SENP6: variants seen among roughly 807,000 people sequenced by gnomAD.
The protein encoded by SENP6 is SUMO specific peptidase 6, also known as sentrin-specific protease 6.
A neutral mutation model predicts 134.5 loss-of-function variants in SENP6; 41 were observed. The observed-to-expected ratio is 0.30, with a 90% CI of 0.24 to 0.40. The LOEUF (loss-of-function observed/expected upper bound fraction) is 0.40, where lower values mean the gene tolerates loss of function less well. SENP6 is among the 10% of genes least tolerant of loss of function. SENP6 has a pLI of 1.00. For synonymous variants in SENP6, 395 were observed against 429.8 expected, an observed-to-expected ratio of 0.92 and a Z score of 1.00; for missense variants, 1,248 against 1,312.5, an observed-to-expected ratio of 0.95 and a Z score of 0.76.
At chr6:75,703,555 GT>G (rs1177282720) in intron 19 of SENP6, among the ~76,000 whole-genome samples, 1 of 152,120 alleles carries the variant, frequency 6.6e-6, no homozygotes, top group Non-Finnish European at 1.5e-5. Context: ...GAGCTCAGAA[GT>G]TTGAAACCAG....
At chr6:75,710,307 CAG>C (rs1775680671) in intron 20 of SENP6, among the ~76,000 whole-genome samples, 1 of 152,086 alleles carries the variant, frequency 6.6e-6, no homozygotes, top group South Asian at 2.1e-4. Context: ...CCCTAACAAA[CAG>C]TATGAACAGC....
At chr6:75,697,544 A>G (rs760252586) in intron 18 of SENP6, 27 bp downstream of exon 18, 1 of 1,489,584 alleles carries the variant, frequency 6.7e-7, no homozygotes, top group South Asian at 1.2e-5. Context: ...TTTAAAGGAA[A>G]ATCTTTAAAT....
intron 1 of SENP6, among the ~76,000 whole-genome samples, chr6:75,606,756 A>G (rs772498884): frequency 5.9e-5 from 9 of 151,864 alleles, no homozygotes; most frequent in Non-Finnish European, 1.5e-5. Context: ...TTGGGATAAT[A>G]TAATAAAATT....
intron 19 of SENP6, among the ~76,000 whole-genome samples, chr6:75,707,355 C>CTTTTTTTTTTT (rs10564996): frequency 2.7e-5 from 2 of 74,698 alleles, no homozygotes; most frequent in African/African-American, 1.0e-4. Context: ...TCTTCTTCTT[C>CTTTTTTTTTTT]TTTTTTTTTT....
At position 75,633,601 on chromosome 6, in the gene SENP6, T is replaced by G; in HGVS notation, c.228T>G (p.Ile76Met). 3 of 1,598,206 alleles carry G rather than the reference T, an allele frequency of 1.9e-6. No individual in the cohort carries two copies. Among genetic ancestry groups the G allele is most frequent in the Non-Finnish European group, 2.6e-6 (3 of 1,175,714 alleles). ...KGKKLNRRSE[I>M]VANSSGEFIL... is the part of the protein sequence containing the mutation. ...TACAGTTAAATCGTCGATCTGAAATTGTTGCTAATAGCTCTGGTGAATTCA... is the reference window on the plus strand; with the variant it reads ...TACAGTTAAATCGTCGATCTGAAATGGTTGCTAATAGCTCTGGTGAATTCA... The change falls in exon 4 of 24, where the codon ATT becomes ATG. Residue 76 changes from isoleucine (I) to methionine (M), a missense_variant. By Grantham distance (10) the Ile-to-Met change is conservative. Transcript: ENST00000447266.
chr6:75,620,521 T>A (rs1768188484), intron 1 of SENP6: 1 of 152,142 alleles, frequency 6.6e-6, no homozygotes. Flanking sequence ...AGGGCACCAA[T>A]CCCATTCGTG....
chr6:75,714,497 C>CAT (rs1304341243), intron 23 of SENP6, among the ~76,000 whole-genome samples: 1 of 152,210 alleles, frequency 6.6e-6, no homozygotes, highest in East Asian at 1.9e-4. Flanking sequence ...CAATCTCTAA[C>CAT]AGATTCCTAT....
At chr6:75,710,544 G>A (rs979722430) in intron 20 of SENP6, among the ~76,000 whole-genome samples, 4 of 152,054 alleles carry the variant, frequency 2.6e-5, no homozygotes, top group African/African-American at 9.7e-5. Flanking sequence ...GGCATTTTAA[G>A]ATATCTCTTG....
At chr6:75,659,529 T>C (rs147643622) in intron 8 of SENP6, 122 bp downstream of exon 8, 6 of 848,974 alleles carry the variant, frequency 7.1e-6, no homozygotes, top group African/African-American at 3.6e-5. Context: ...GGAAAACTTA[T>C]TTAGGCAGCT....
chr6:75,613,464 A>G (rs539187309), intron 1 of SENP6, among the ~76,000 whole-genome samples: 1 of 152,200 alleles, frequency 6.6e-6, no homozygotes, highest in African/African-American at 2.4e-5. Flanking sequence ...AGAAATATAC[A>G]TGCACAAGGA....
At chr6:75,629,685 A>G (rs1041961216) in intron 3 of SENP6, among the ~76,000 whole-genome samples, 1 of 152,206 alleles carries the variant, frequency 6.6e-6, no homozygotes, top group African/African-American at 2.4e-5. Context: ...TCCCAGGGAT[A>G]TATACATATA....
At chr6:75,608,499 GAGGAAAGGAGGA>G (rs1403816390) in intron 1 of SENP6, among the ~76,000 whole-genome samples, 3 of 151,232 alleles carry the variant, frequency 2.0e-5, no homozygotes, top group African/African-American at 7.3e-5. Flanking sequence ...AGAGGAAAAA[GAGGAAAGGAGGA>G]AGGAAAGAAA....
Position 75,623,960 on chromosome 6 carries a change from G to A in SENP6, c.207G>A (p.Lys69=), listed in dbSNP as rs766558840. Residue 69 remains lysine (K), a splice_region_variant and synonymous_variant, in exon 3 of 24, where the codon AAG becomes AAA. Transcript: ENST00000447266. The part of the protein sequence containing the change: ...DEDSETSKGK[K]LNRRSEIVAN... ...ATTCTGAAACCTCAAAAGGAAAAAA[G>A]GCAAGTGTTGCTTAAAATATTTTCT... 3.7e-6 allele frequency: 6 copies of A among 1,604,300 alleles called. No homozygotes were observed. The highest frequency in any genetic ancestry group is 5.1e-6 in the Non-Finnish European group (6 of 1,173,946).
intron 5 of SENP6, chr6:75,635,051 A>C (rs922660695): frequency 2.6e-5 from 15 of 567,278 alleles, no homozygotes; most frequent in Non-Finnish European, 4.9e-5. Context: ...TATAATCCAG[A>C]GAATCTAAGA....
intron 1 of SENP6, among the ~76,000 whole-genome samples, chr6:75,609,998 G>A (rs1348727608): frequency 2.6e-5 from 4 of 152,120 alleles, no homozygotes; most frequent in African/African-American, 7.2e-5. Context: ...ATGTTGTCCA[G>A]GCTGGTCTCA....
rs116759388 is a variant in SENP6 at position 75,622,947 on chromosome 6, A to C, written c.147-953A>C. 2,088 of 478,716 alleles carry C rather than the reference A, an allele frequency of 4.4e-3. 41 individuals are homozygous for C. The highest frequency in any genetic ancestry group is 0.039 in the African/African-American group (1,914 of 49,354). The allele number at this position is 478,716 out of a possible 1,614,324, so 29.7% of individuals were successfully genotyped here. A position where few individuals can be genotyped will look rare whatever the true frequency, so the allele number is the denominator to read the frequency against. On this transcript the variant is annotated intron_variant, in intron 2 of 23. Transcript: ENST00000447266. ...TCTGATTACTTTAAAATATAAAACAATTATTCAGTATGCATATAGTTTTGA... is the reference window on the plus strand; with the variant it reads ...TCTGATTACTTTAAAATATAAAACACTTATTCAGTATGCATATAGTTTTGA...
At chr6:75,686,957 G>A (rs944511488) in intron 16 of SENP6, among the ~76,000 whole-genome samples, 1 of 152,128 alleles carries the variant, frequency 6.6e-6, no homozygotes, top group East Asian at 1.9e-4. Flanking sequence ...TGCTAGGCTG[G>A]GGAAGTTCTC....
At chr6:75,615,286 T>A (rs1024359986) in intron 1 of SENP6, among the ~76,000 whole-genome samples, 1 of 152,160 alleles carries the variant, frequency 6.6e-6, no homozygotes, top group Non-Finnish European at 1.5e-5. Flanking sequence ...TTCAAGCGAT[T>A]CTCCTGTGTC....
intron 8 of SENP6, among the ~76,000 whole-genome samples, chr6:75,659,985 A>G (rs945351067): frequency 2.0e-5 from 3 of 152,190 alleles, no homozygotes; most frequent in African/African-American, 7.2e-5. Context: ...GTCCCATTCA[A>G]ATTTCAGCTA....
Sources: gnomAD v4.1 joint callset for allele counts (sites outside exome capture counted in the v4.1 genomes callset) on GRCh38, gnomAD v4.1.1 for gene constraint, MANE v1.5 for transcripts, NCBI Gene and HGNC (gene_info 2026-07-23, HGNC 2026-07-21) for gene names.